The following ARHGAP33 variants were observed in gnomAD, a reference collection of about 807,000 sequenced individuals.
ARHGAP33 encodes the protein rho GTPase-activating protein 33.
Under a neutral mutation model 126.2 loss-of-function variants are expected in ARHGAP33, and 57 were observed. The ratio of observed to expected loss-of-function variants is 0.45; its 90% CI spans 0.36 to 0.56. The LOEUF is 0.56. Ranked by LOEUF, ARHGAP33 falls within the 20% of genes least tolerant of loss-of-function variation. ARHGAP33 has a pLI of 0.00. For synonymous variants in ARHGAP33, 711 were observed against 755.0 expected (o/e 0.94, Z 0.95); for missense variants, 1,500 against 1,748.3 (o/e 0.86, Z 2.53).
chr19:35,780,570 G>A lies in ARHGAP33; in HGVS notation c.703-12G>A. ...CTGGGGTGGCCCAGCTACTGACCCT[G>A]ACCTTCCTCAGGTCGGGTTCTTCCC... is the stretch of plus-strand genomic sequence containing the variant. On this transcript the variant is annotated splice_polypyrimidine_tract_variant and intron_variant, in intron 8 of 20. Transcript: ENST00000007510. 1 of 1,613,668 alleles carries A rather than the reference G, an allele frequency of 6.2e-7. No individual in the cohort carries two copies. The highest frequency in any genetic ancestry group is 8.5e-7 in the Non-Finnish European group (1 of 1,179,962).
rs1267251861 is a variant in ARHGAP33 at position 35,778,277 on chromosome 19, C to T, written c.190-3C>T. 1.9e-6 allele frequency: 3 copies of T among 1,614,118 alleles called. No individual in the cohort carries two copies. The East Asian group carries it at 6.7e-5, about 36-fold the overall frequency. Reference sequence around the variant, plus strand: ...CCACCTGGGCCTTGCTTTCCCTCTGCAGCTCCTGCTGTCTCCAGACCGTGA... The same window carrying T: ...CCACCTGGGCCTTGCTTTCCCTCTGTAGCTCCTGCTGTCTCCAGACCGTGA... On this transcript the variant is annotated splice_polypyrimidine_tract_variant and splice_region_variant and intron_variant, in intron 3 of 20. Transcript: ENST00000007510.
At chr19:35,784,514 C>A in intron 16 of ARHGAP33, 197 bp downstream of exon 16, 9 of 1,325,622 alleles carry the variant, frequency 6.8e-6, no homozygotes, top group Non-Finnish European at 8.6e-6. Context: ...TCAGGATTCC[C>A]ACCTCTTGGC....
intron 1 of ARHGAP33, 75 bp downstream of exon 1, chr19:35,775,739 C>T: frequency 7.1e-7 from 1 of 1,405,746 alleles, no homozygotes; most frequent in Non-Finnish European, 9.5e-7. Context: ...CCCCGCGCGC[C>T]CCGCCCCCGG....
At chr19:35,779,421 A>T (rs1971628757) in intron 6 of ARHGAP33, among the ~76,000 whole-genome samples, 1 of 152,046 alleles carries the variant, frequency 6.6e-6, no homozygotes, top group Non-Finnish European at 1.5e-5. Flanking sequence ...GAGTGGCTTA[A>T]ACCAGAGGGG....
chr19:35,778,204 C>A, intron 3 of ARHGAP33, 76 bp from the exon 4 acceptor site: 2 of 1,497,774 alleles, frequency 1.3e-6, no homozygotes, highest in South Asian at 1.1e-5. Context: ...GTCACAAACC[C>A]GTCCCTAGAT....
Position 35,786,229 on chromosome 19 carries a change from G to C in ARHGAP33, c.1943-184G>C. On this transcript the variant is annotated intron_variant, in intron 19 of 20. Coordinates refer to ENST00000007510, the MANE Select transcript of ARHGAP33 (RefSeq NM_001366178.1). This position sits in a 1 kb window ranked among gnomAD's most constrained non-coding sequence, Gnocchi z 7.0. ...CTCACAGCCTGTGGGGCAGCCACAGGGCCTTCGTGCTTTGGGCCGGAAGTG... is the reference window on the plus strand; with the variant it reads ...CTCACAGCCTGTGGGGCAGCCACAGCGCCTTCGTGCTTTGGGCCGGAAGTG... The C allele has an allele frequency of 1.4e-6, 2 of 1,418,992 alleles. No homozygotes were observed. Among genetic ancestry groups the C allele is most frequent in the South Asian group, 3.2e-5 (2 of 63,340 alleles). 87.9% of individuals were successfully genotyped at this position (1,418,992 alleles called of 1,614,324 possible). A position where few individuals can be genotyped will look rare whatever the true frequency, so the allele number is the denominator to read the frequency against.
chr19:35,781,892 C>G (rs1421259498), intron 12 of ARHGAP33, among the ~76,000 whole-genome samples: 1 of 151,702 alleles, frequency 6.6e-6, no homozygotes, highest in Non-Finnish European at 1.5e-5. Flanking sequence ...GAGATCTCGG[C>G]CTGCAGGAGG....
chr19:35,786,259 C>T lies in ARHGAP33; in HGVS notation c.1943-154C>T, dbSNP rs960083845. ...TCGTGCTTTGGGCCGGAAGTGTCCT[C>T]TTCATGGTCTCCACTGTCAATCTGA... On this transcript the variant is annotated intron_variant, in intron 19 of 20. Transcript: ENST00000007510. The surrounding 1 kb of genome is among the most constrained non-coding windows in gnomAD (Gnocchi z 7.0). The T allele has an allele frequency of 7.0e-7, 1 of 1,428,996 alleles. No individual in the cohort carries two copies. The highest frequency in any genetic ancestry group is 1.5e-5 in the South Asian group (1 of 65,564). The allele number at this position is 1,428,996 out of a possible 1,614,324, so 88.5% of individuals were successfully genotyped here.
intron 16 of ARHGAP33, chr19:35,784,590 G>A (rs979518492): frequency 7.6e-7 from 1 of 1,315,570 alleles, no homozygotes; most frequent in Non-Finnish European, 9.6e-7. Flanking sequence ...GGTCCACCTG[G>A]GAGGAGGTGG....
intron 6 of ARHGAP33, 103 bp downstream of exon 6, chr19:35,779,227 CAG>C: frequency 1.1e-6 from 1 of 869,992 alleles, no homozygotes; most frequent in South Asian, 1.7e-5. Context: ...AGAAAGGAGC[CAG>C]AGTGGAGGAG....
chr19:35,785,302 T>TG lies in ARHGAP33; in HGVS notation c.1841dup (p.Thr615HisfsTer76), dbSNP rs1160290583. 3 of 1,605,778 alleles carry TG rather than the reference T, an allele frequency of 1.9e-6. No homozygotes were observed. The highest frequency in any genetic ancestry group is 2.6e-6 in the Non-Finnish European group (3 of 1,175,336). On this transcript the variant is annotated frameshift_variant, in exon 18 of 21. Coordinates refer to ENST00000007510, the MANE Select transcript of ARHGAP33 (RefSeq NM_001366178.1). LOFTEE classifies it high-confidence loss of function. The stretch of plus-strand genomic sequence containing the variant: ...CCTCGAAAGAAGCCCCTGCCCTGGC[T>TG]GGGGGGCACCCGTGCCCCACCGCAG...
rs1441379944 is a variant in ARHGAP33 at position 35,780,781 on chromosome 19, T to G, written c.794T>G (p.Ile265Ser). The G allele has an allele frequency of 1.9e-6, 3 of 1,613,734 alleles. No homozygotes were observed. The highest frequency in any genetic ancestry group is 2.5e-6 in the Non-Finnish European group (3 of 1,179,998). Reference protein sequence around the residue: ...KADADGPPCGIPAPQGISSLT... With the variant: ...KADADGPPCGSPAPQGISSLT... ...GATGCCGATGGCCCCCCATGTGGCATCCCGGCTCCCCAGGGTATCTCGTCT... is the reference window on the plus strand; with the variant it reads ...GATGCCGATGGCCCCCCATGTGGCAGCCCGGCTCCCCAGGGTATCTCGTCT... The change falls in exon 10 of 21, where the codon ATC becomes AGC. Residue 265 changes from isoleucine to serine, a missense_variant. Coordinates refer to ENST00000007510, the MANE Select transcript of ARHGAP33 (RefSeq NM_001366178.1).
At chr19:35,777,551 G>T (rs374492306) in intron 1 of ARHGAP33, 94 bp from the exon 2 acceptor site, 6 of 1,018,754 alleles carry the variant, frequency 5.9e-6, no homozygotes, top group East Asian at 2.6e-5. Context: ...TGTGTGGAGC[G>T]CCCGGGGCTC....
Position 35,787,567 on chromosome 19 carries a change from C to T in ARHGAP33, c.3002C>T (p.Ala1001Val), listed in dbSNP as rs144088302. ...CTCCGAGGCCCTGCCCAGGTCAGTG[C>T]CCAGCTCAGGGCAGGTGGCGGGGGC... is the stretch of plus-strand genomic sequence containing the variant. ...RGLRGPAQVS[A>V]QLRAGGGGRD... Residue 1001 changes from alanine to valine, a missense_variant, in exon 21 of 21, where the codon GCC becomes GTC. Ala to Val is a moderately conservative substitution (Grantham distance 64). This residue lies in a region of ARHGAP33 where 642 missense variants were observed against 634.0 expected (regional missense o/e 1.01). Transcript: ENST00000007510. 467 of 1,611,600 alleles carry T rather than the reference C, an allele frequency of 2.9e-4. No individual in the cohort carries two copies. The African/African-American group carries it at 4.4e-3, about 15-fold the overall frequency.
rs771952135 is a variant in ARHGAP33 at position 35,780,836 on chromosome 19, A to G, written c.829+20A>G. 2.5e-6 allele frequency: 4 copies of G among 1,613,732 alleles called. No individual in the cohort carries two copies. Among genetic ancestry groups the G allele is most frequent in the Non-Finnish European group, 1.7e-6 (2 of 1,179,996 alleles). On this transcript the variant is annotated intron_variant, in intron 10 of 20. Coordinates refer to ENST00000007510, the MANE Select transcript of ARHGAP33 (RefSeq NM_001366178.1). The stretch of plus-strand genomic sequence containing the variant: ...CCTCAGGTAATAGAAATAGGCGGTC[A>G]GGTCCCAGCCCCTACCCCACCAGGC...
intron 6 of ARHGAP33, chr19:35,779,803 G>C: frequency 2.4e-6 from 1 of 415,328 alleles, no homozygotes; most frequent in Non-Finnish European, 4.9e-6. Context: ...TGAACTCCTG[G>C]GGTCAAGCAA....
At chr19:35,779,483 T>G (rs1002932007) in intron 6 of ARHGAP33, among the ~76,000 whole-genome samples, 7 of 152,072 alleles carry the variant, frequency 4.6e-5, no homozygotes, top group African/African-American at 1.7e-4. Flanking sequence ...CAGGCTGGAG[T>G]GCAGTGGCAT....
At position 35,786,411 on chromosome 19, in the gene ARHGAP33, A is replaced by G. The variant is rs1972111700; in HGVS notation, c.1943-2A>G. ...ATGGTCTCACTGACCCCACCCCTCC[A>G]GGCCTCCAGAGGCTGCACAGGCTGC... On this transcript the variant is annotated splice_acceptor_variant, in intron 19 of 20. Coordinates refer to ENST00000007510, the MANE Select transcript of ARHGAP33 (RefSeq NM_001366178.1). LOFTEE classifies it high-confidence loss of function. This position sits in a 1 kb window ranked among gnomAD's most constrained non-coding sequence, Gnocchi z 7.0. 1 of 1,527,846 alleles carries G rather than the reference A, an allele frequency of 6.5e-7. No homozygotes were observed. Among genetic ancestry groups the G allele is most frequent in the Admixed American group, 2.0e-5 (1 of 50,622 alleles). 94.6% of individuals were successfully genotyped at this position (1,527,846 alleles called of 1,614,324 possible). A position where few individuals can be genotyped will look rare whatever the true frequency, so the allele number is the denominator to read the frequency against.
rs1239307706 is a variant in ARHGAP33 at position 35,784,791 on chromosome 19, T to C, written c.1568-162T>C. 3.5e-6 allele frequency: 4 copies of C among 1,139,374 alleles called. No homozygotes were observed. In the African/African-American group the frequency reaches 5.3e-5, roughly 15 times the overall value. The allele number at this position is 1,139,374 out of a possible 1,614,324, so 70.6% of individuals were successfully genotyped here. A position where few individuals can be genotyped will look rare whatever the true frequency, so the allele number is the denominator to read the frequency against. ...CGTCCCGCCCCGCCCTCCTCCCACC[T>C]GCCTGCTGCCCGCCTGCTCCCGCCT... On this transcript the variant is annotated intron_variant, in intron 16 of 20. Coordinates refer to ENST00000007510, the MANE Select transcript of ARHGAP33 (RefSeq NM_001366178.1).
Sources: gnomAD v4.1 joint callset for allele counts (sites outside exome capture counted in the v4.1 genomes callset) on GRCh38, gnomAD v4.1.1 for gene constraint, gnomAD v4.1.1 regional missense constraint, Gnocchi (gnomAD v3.1) non-coding constraint, MANE v1.5 for transcripts, NCBI Gene and HGNC (gene_info 2026-07-23, HGNC 2026-07-21) for gene names.